Variants in SPRED2 observed in about 807,000 individuals in gnomAD.
The protein encoded by SPRED2 is sprouty related EVH1 domain containing 2.
SPRED2 carries 47 observed loss-of-function variants against 43.0 expected under a neutral mutation model. That is an observed-to-expected ratio of 1.09 (90% CI 0.87 to 1.40). SPRED2 has a LOEUF of 1.40. Among genes scored for constraint, SPRED2 ranks in the 40% most tolerant of loss-of-function variants. The probability of loss-of-function intolerance (pLI) is 0.00; values close to 1 mark genes in which losing one functional copy is unlikely to be tolerated. For missense variants in SPRED2, 561 were observed against 586.4 expected (o/e 0.96, Z 0.45); for synonymous variants, 225 against 225.7 (o/e 1.00, Z 0.03).
At chr2:65,397,015 G>A (rs1675774095) in intron 1 of SPRED2, among the ~76,000 whole-genome samples, 1 of 152,134 alleles carries the variant, frequency 6.6e-6, no homozygotes, top group Non-Finnish European at 1.5e-5. Context: ...GATAGCTTGA[G>A]GAGGTCTGCC....
intron 5 of SPRED2, among the ~76,000 whole-genome samples, chr2:65,316,358 A>G (rs1393103240): frequency 2.6e-5 from 4 of 152,240 alleles, no homozygotes; most frequent in Non-Finnish European, 5.9e-5. Context: ...GGACAGAGGA[A>G]TGCAGGACGC....
chr2:65,412,756 TAATC>T (rs1676191797), intron 1 of SPRED2, among the ~76,000 whole-genome samples: 1 of 152,198 alleles, frequency 6.6e-6, no homozygotes, highest in African/African-American at 2.4e-5. Context: ...CTGCACTCTT[TAATC>T]AATCAATGAT....
intron 4 of SPRED2, among the ~76,000 whole-genome samples, chr2:65,327,009 T>G (rs1481609701): frequency 4.0e-5 from 6 of 151,820 alleles, no homozygotes; most frequent in African/African-American, 1.5e-4. Flanking sequence ...CCTGGCTAAT[T>G]TTTTTGAAAA....
chr2:65,366,222 C>A (rs572183288), intron 1 of SPRED2, among the ~76,000 whole-genome samples: 175 of 152,284 alleles, frequency 1.1e-3, no homozygotes, highest in African/African-American at 4.0e-3. Flanking sequence ...TTTTAAAGCT[C>A]TACACTACCC....
intron 1 of SPRED2, among the ~76,000 whole-genome samples, chr2:65,414,585 C>T (rs1293507984): frequency 1.3e-5 from 2 of 152,190 alleles, no homozygotes; most frequent in South Asian, 2.1e-4. Flanking sequence ...CAACTAAGAC[C>T]CAGCTCTGCT....
At chr2:65,376,488 TTGATTCATAAATC>T (rs1161985376) in intron 1 of SPRED2, among the ~76,000 whole-genome samples, 1 of 152,206 alleles carries the variant, frequency 6.6e-6, no homozygotes, top group African/African-American at 2.4e-5. Context: ...TCATATTGAT[TTGATTCATAAATC>T]AAAATACAAA....
intron 1 of SPRED2, among the ~76,000 whole-genome samples, chr2:65,384,627 G>A (rs756777954): frequency 9.2e-5 from 14 of 152,000 alleles, no homozygotes; most frequent in African/African-American, 1.7e-4. Context: ...CCCTTAGACC[G>A]ACCCCAGAAG....
chr2:65,409,763 T>G (rs188132872), intron 1 of SPRED2, among the ~76,000 whole-genome samples: 7 of 149,174 alleles, frequency 4.7e-5, no homozygotes, highest in Non-Finnish European at 8.9e-5. Flanking sequence ...AGGCTGGGCA[T>G]GGTGGCTCAC....
Position 65,339,112 on chromosome 2 carries a change from CG to C in SPRED2, c.205-4340del, listed in dbSNP as rs1464659001. Among the ~76,000 whole-genome samples the C allele has an allele frequency of 3.5e-3, 90 of 25,548 alleles. 2 individuals are homozygous for C. The highest frequency in any genetic ancestry group is 0.01 in the African/African-American group (35 of 3,366). 16.8% of individuals were successfully genotyped at this position (25,548 alleles called of 152,430 possible). A position where few individuals can be genotyped will look rare whatever the true frequency, so the allele number is the denominator to read the frequency against. ...GGAGGGAGGTTGGGCGGGGGGTCAG[CG>C]CCCCCTCCCGGCCAGCCGCCCGGTC... is the stretch of plus-strand genomic sequence containing the variant. On this transcript the variant is annotated intron_variant, in intron 2 of 5. Transcript: ENST00000356388.
At chr2:65,395,346 A>T (rs903088962) in intron 1 of SPRED2, among the ~76,000 whole-genome samples, 1 of 152,260 alleles carries the variant, frequency 6.6e-6, no homozygotes, top group East Asian at 1.9e-4. Flanking sequence ...TGTGGGGTTG[A>T]AAAAGAAGAG....
At chr2:65,366,988 T>C (rs978934602) in intron 1 of SPRED2, among the ~76,000 whole-genome samples, 3 of 152,338 alleles carry the variant, frequency 2.0e-5, no homozygotes, top group East Asian at 1.9e-4. Flanking sequence ...CACAGTTCAA[T>C]ACCTGAGATT....
intron 1 of SPRED2, among the ~76,000 whole-genome samples, chr2:65,410,834 T>C (rs1239420592): frequency 6.6e-6 from 1 of 152,130 alleles, no homozygotes; most frequent in African/African-American, 2.4e-5. Context: ...ATCAGTTAGC[T>C]TGAAAGATGT....
intron 2 of SPRED2, chr2:65,344,335 G>A: frequency 3.2e-6 from 1 of 311,916 alleles, no homozygotes. Flanking sequence ...AACCTCAATG[G>A]CATGCTCCAT....
At chr2:65,391,718 T>C (rs1201137808) in intron 1 of SPRED2, among the ~76,000 whole-genome samples, 1 of 152,236 alleles carries the variant, frequency 6.6e-6, no homozygotes, top group African/African-American at 2.4e-5. Context: ...GATGAATTTT[T>C]TTTTAAAAGA....
rs184723021 is a variant in SPRED2, at chr2:65,312,139, A to T, written c.*1362T>A. ...AATCCTTGCAACGTATTAGAAAAAT[A>T]CTCTTTTCCAGCTAATTAGAAGCCT... On this transcript the variant is annotated 3_prime_UTR_variant, in exon 6 of 6. Coordinates refer to ENST00000356388, the MANE Select transcript of SPRED2 (RefSeq NM_181784.3). 696 of 985,468 alleles carry T rather than the reference A, an allele frequency of 7.1e-4. 2 individuals carry two copies. Among genetic ancestry groups the T allele is most frequent in the Middle Eastern group, 1.0e-3 (2 of 1,914 alleles). The allele number at this position is 985,468 out of a possible 1,614,324, so 61.0% of individuals were successfully genotyped here.
At chr2:65,386,290 AAAAAAAAAAAAAAAG>A (rs1248222905) in intron 1 of SPRED2, among the ~76,000 whole-genome samples, 4 of 144,818 alleles carry the variant, frequency 2.8e-5, no homozygotes, top group African/African-American at 1.0e-4. Context: ...TGTCTCAAAA[AAAAAAAAAAAAAAAG>A]AAAGCACTGG....
intron 2 of SPRED2, among the ~76,000 whole-genome samples, chr2:65,341,109 G>T (rs1265007778): frequency 7.6e-6 from 1 of 131,474 alleles, no homozygotes; most frequent in Non-Finnish European, 1.7e-5. Flanking sequence ...ACGGGCGTGT[G>T]TGTGTGTGTG....
chr2:65,427,867 A>G (rs1180957177), intron 1 of SPRED2, among the ~76,000 whole-genome samples: 2 of 152,222 alleles, frequency 1.3e-5, no homozygotes, highest in Non-Finnish European at 2.9e-5. Context: ...GAACCAGGCT[A>G]CTGGAGTGCT....
At chr2:65,332,334 G>T in intron 3 of SPRED2, 1 of 277,964 alleles carries the variant, frequency 3.6e-6, no homozygotes, top group Non-Finnish European at 7.0e-6. Context: ...GCACTGTGGA[G>T]GAGGTGAGGG....
Sources: gnomAD v4.1 joint callset for allele counts (sites outside exome capture counted in the v4.1 genomes callset) on GRCh38, gnomAD v4.1.1 for gene constraint, MANE v1.5 for transcripts, NCBI Gene and HGNC (gene_info 2026-07-23, HGNC 2026-07-21) for gene names.